CECR2: variants seen among roughly 807,000 people sequenced by gnomAD.
CECR2 encodes chromatin remodeling regulator CECR2.
In CECR2, 30 loss-of-function variants were observed where a neutral mutation model predicts 154.5. The observed-to-expected ratio is 0.19, with a 90% CI of 0.15 to 0.26. The LOEUF is 0.26. CECR2 is among the 10% of genes least tolerant of loss of function. The pLI is 1.00. For missense variants in CECR2, 1,743 were observed against 1,829.3 expected (o/e 0.95, Z 0.86); for synonymous variants, 725 against 683.7 (o/e 1.06, Z -0.94).
chr22:17,394,409 A>G (rs1358684687), intron 1 of CECR2, among the ~76,000 whole-genome samples: 1 of 151,512 alleles, frequency 6.6e-6, no homozygotes, highest in African/African-American at 2.4e-5. Flanking sequence ...GGGTCTTACT[A>G]TGCTATCCAG....
At chr22:17,477,017 G>A (rs1051730586) in intron 1 of CECR2, 16 of 680,024 alleles carry the variant, frequency 2.4e-5, no homozygotes, top group Non-Finnish European at 4.1e-5. Flanking sequence ...TGTAAGATTA[G>A]CCTTGGATCT....
intron 1 of CECR2, among the ~76,000 whole-genome samples, chr22:17,407,593 T>C (rs1354994591): frequency 6.7e-6 from 1 of 148,508 alleles, no homozygotes; most frequent in Non-Finnish European, 1.5e-5. Flanking sequence ...AGACTCTGTC[T>C]CAAAAAAAAA....
chr22:17,530,982 G>A (rs982680799), intron 9 of CECR2, among the ~76,000 whole-genome samples: 10 of 152,250 alleles, frequency 6.6e-5, no homozygotes, highest in Admixed American at 2.0e-4. Flanking sequence ...AATGGATACC[G>A]GTGATGGCGC....
intron 16 of CECR2, among the ~76,000 whole-genome samples, chr22:17,546,225 C>T (rs567310277): frequency 1.1e-4 from 16 of 152,224 alleles, no homozygotes; most frequent in African/African-American, 3.1e-4. Context: ...CGATGGCTCA[C>T]GCCTGTAATC....
intron 5 of CECR2, 149 bp from the exon 6 acceptor site, chr22:17,502,933 C>T: frequency 1.6e-6 from 1 of 629,852 alleles, no homozygotes; most frequent in East Asian, 2.8e-5. Context: ...TTCATTTATT[C>T]AGCGTTCCGC....
At chr22:17,380,559 A>G (rs1195591593) in intron 1 of CECR2, among the ~76,000 whole-genome samples, 1 of 152,054 alleles carries the variant, frequency 6.6e-6, no homozygotes, top group Non-Finnish European at 1.5e-5. Context: ...GTGACTTGGC[A>G]TTGTGTCACT....
At chr22:17,432,584 C>G (rs945745077) in intron 1 of CECR2, among the ~76,000 whole-genome samples, 5 of 152,192 alleles carry the variant, frequency 3.3e-5, no homozygotes, top group African/African-American at 9.7e-5. Context: ...ACATTCTCAC[C>G]AGCAGTGTAT....
rs370474804 is a variant in CECR2, at chr22:17,542,602, C to T, written c.2459C>T (p.Pro820Leu). Reference protein sequence around the residue: ...DSRVMRPPVPPNQWTEQSGFL... With the variant: ...DSRVMRPPVPLNQWTEQSGFL... ...CGAGTCATGAGACCACCTGTCCCCCCCAACCAGTGGACTGAACAATCAGGC... is the reference window on the plus strand; with the variant it reads ...CGAGTCATGAGACCACCTGTCCCCCTCAACCAGTGGACTGAACAATCAGGC... The change falls in exon 16 of 19, where the codon CCC becomes CTC. Residue 820 changes from proline (P) to leucine (L), a missense_variant. Pro to Leu is a moderately conservative substitution (Grantham distance 98). Around this residue, in one of 4 missense-constraint regions of CECR2, gnomAD observed 1,250 missense variants for 1,192.1 expected, o/e 1.05. Transcript: ENST00000262608. The T allele has an allele frequency of 2.5e-6, 4 of 1,614,034 alleles. No individual in the cohort carries two copies. The highest frequency in any genetic ancestry group is 2.5e-6 in the Non-Finnish European group (3 of 1,179,894).
intron 1 of CECR2, among the ~76,000 whole-genome samples, chr22:17,466,262 C>T (rs16982519): frequency 0.021 from 3,160 of 152,244 alleles, 44 homozygotes; most frequent in African/African-American, 0.045. Context: ...CAAGTGACCT[C>T]TGTAAAAATC....
intron 7 of CECR2, among the ~76,000 whole-genome samples, chr22:17,505,939 G>A (rs2055836471): frequency 6.7e-6 from 1 of 148,372 alleles, no homozygotes; most frequent in Non-Finnish European, 1.5e-5. Flanking sequence ...CGATTTGCCA[G>A]GCTCATGTGA....
At chr22:17,538,610 G>C (rs375652636) in intron 11 of CECR2, 30 bp from the exon 12 acceptor site, 15 of 1,613,448 alleles carry the variant, frequency 9.3e-6, no homozygotes, top group Non-Finnish European at 1.1e-5. Flanking sequence ...TCCTCTGTGA[G>C]TGTGTTAAGA....
At chr22:17,443,243 T>G (rs2054610675) in intron 1 of CECR2, among the ~76,000 whole-genome samples, 1 of 152,248 alleles carries the variant, frequency 6.6e-6, no homozygotes, top group African/African-American at 2.4e-5. Flanking sequence ...AGAGCTGATG[T>G]GCTTTAAAGG....
chr22:17,458,622 T>C (rs2054890648), intron 1 of CECR2, among the ~76,000 whole-genome samples: 1 of 152,144 alleles, frequency 6.6e-6, no homozygotes, highest in Admixed American at 6.5e-5. Flanking sequence ...CCTATAATTA[T>C]TTCCAAGTAA....
Position 17,503,257 on chromosome 22 carries a change from G to C in CECR2, c.700+126G>C. The C allele has an allele frequency of 3.9e-6, 3 of 776,028 alleles. No homozygotes were observed. The South Asian group carries it at 5.4e-5, about 14-fold the overall frequency. 48.1% of individuals were successfully genotyped at this position (776,028 alleles called of 1,614,324 possible). A position where few individuals can be genotyped will look rare whatever the true frequency, so the allele number is the denominator to read the frequency against. The stretch of plus-strand genomic sequence containing the variant: ...TGCAATAGCCTTTTACCTACCCCCT[G>C]TACTCTTCTTCAGTTCTCCTCCTCA... On this transcript the variant is annotated intron_variant, in intron 6 of 18. Transcript: ENST00000262608.
At chr22:17,397,756 C>A (rs2053834591) in intron 1 of CECR2, among the ~76,000 whole-genome samples, 1 of 152,210 alleles carries the variant, frequency 6.6e-6, no homozygotes, top group African/African-American at 2.4e-5. Flanking sequence ...CTCGGCCTCC[C>A]AAAGTGCTGG....
At position 17,557,170 on chromosome 22, in the gene CECR2, C is replaced by T. The variant is rs1405532043; in HGVS notation, c.*4330C>T. Reference sequence around the variant, plus strand: ...CTTTTTTTTTTTTTTTTTTTTGAGACGAAATCTTGCTCTTGTCCCCCAGAC... The same window carrying T: ...CTTTTTTTTTTTTTTTTTTTTGAGATGAAATCTTGCTCTTGTCCCCCAGAC... On this transcript the variant is annotated 3_prime_UTR_variant, in exon 19 of 19. Coordinates refer to ENST00000262608, the MANE Select transcript of CECR2 (RefSeq NM_001290047.2). 2.6e-4 allele frequency: 22 copies of T among 83,224 alleles called. No homozygotes were observed. The Admixed American group carries it at 2.8e-3, about 11-fold the overall frequency. The allele number at this position is 83,224 out of a possible 1,614,324, so 5.2% of individuals were successfully genotyped here.
rs1273545894 is a variant in CECR2 at position 17,552,842 on chromosome 22, C to T, written c.*2C>T. On this transcript the variant is annotated 3_prime_UTR_variant, in exon 19 of 19. Transcript: ENST00000262608. ...TGTCTTTGTTTCTTTCAGAGCTAGT[C>T]CAAGGAGGAAATGAGCCCCAAGCAA... 27 of 1,446,546 alleles carry T rather than the reference C, an allele frequency of 1.9e-5. No homozygotes were observed. The highest frequency in any genetic ancestry group is 2.4e-5 in the Non-Finnish European group (26 of 1,087,460). 89.6% of individuals were successfully genotyped at this position (1,446,546 alleles called of 1,614,324 possible).
At chr22:17,419,564 GGAA>G (rs2054213020) in intron 1 of CECR2, 2 of 229,038 alleles carry the variant, frequency 8.7e-6, no homozygotes, top group Admixed American at 4.5e-5. Flanking sequence ...AGGAGGAGGA[GGAA>G]GAAAAGAAGA....
chr22:17,468,417 C>A (rs1329097842), intron 1 of CECR2, among the ~76,000 whole-genome samples: 1 of 152,080 alleles, frequency 6.6e-6, no homozygotes, highest in Admixed American at 6.6e-5. Context: ...TGGTGGCTCA[C>A]GCCTGTAATC....
Sources: gnomAD v4.1 joint callset for allele counts (sites outside exome capture counted in the v4.1 genomes callset) on GRCh38, gnomAD v4.1.1 for gene constraint, gnomAD v4.1.1 regional missense constraint, MANE v1.5 for transcripts, NCBI Gene and HGNC (gene_info 2026-07-23, HGNC 2026-07-21) for gene names.